Variants in PTPN5 observed in about 807,000 individuals in gnomAD.
PTPN5 encodes protein tyrosine phosphatase non-receptor type 5.
Under a neutral mutation model 73.9 loss-of-function variants are expected in PTPN5, and 29 were observed. That is an observed-to-expected ratio of 0.39 (90% CI 0.29 to 0.54). The LOEUF is 0.54. Ranked by LOEUF, PTPN5 falls within the 20% of genes least tolerant of loss-of-function variation. The pLI is 0.65. For synonymous variants in PTPN5, 267 were observed against 304.7 expected, an observed-to-expected ratio of 0.88 and a Z score of 1.29; for missense variants, 652 against 751.4, an observed-to-expected ratio of 0.87 and a Z score of 1.55.
At chr11:18,763,043 A>G (rs10832982) in intron 3 of PTPN5, among the ~76,000 whole-genome samples, 43,370 of 152,100 alleles carry the variant, frequency 0.29, 6,553 homozygotes, top group South Asian at 0.48. Flanking sequence ...AGGATGCAGA[A>G]ATGAAACAGA....
Position 18,729,014 on chromosome 11 carries a change from G to A in PTPN5, c.1618C>T (p.Gln540Ter). ...QLRQDRGGMI[Q>*]TCEQYQFVHH... ...ACAAACTGGTACTGCTCGCATGTCT[G>A]GATCATGCCGCCCCTGCCCGGCAGA... Residue 540 changes from glutamine (Q) to a stop codon, truncating the protein, a stop_gained, in exon 15 of 15, where the codon CAG becomes TAG. Coordinates refer to ENST00000358540, the MANE Select transcript of PTPN5 (RefSeq NM_006906.2). LOFTEE classifies it high-confidence loss of function. The surrounding 1 kb of genome is among the most constrained non-coding windows in gnomAD (Gnocchi z 5.2). 6.2e-7 allele frequency: 1 copy of A among 1,613,830 alleles called. No individual in the cohort carries two copies. The highest frequency in any genetic ancestry group is 8.5e-7 in the Non-Finnish European group (1 of 1,179,950).
chr11:18,773,078 A>G (rs1850981317), intron 1 of PTPN5, among the ~76,000 whole-genome samples: 1 of 152,020 alleles, frequency 6.6e-6, no homozygotes, highest in Non-Finnish European at 1.5e-5. Context: ...AGCAGGACAC[A>G]TTCAAGGACT....
In PTPN5 at chr11:18,728,286, A is replaced by G. The variant is rs1157800295; in HGVS notation, c.*648T>C. 2 of 152,194 alleles carry G rather than the reference A, an allele frequency of 1.3e-5. No individual in the cohort carries two copies. The highest frequency in any genetic ancestry group is 2.1e-4 in the South Asian group (1 of 4,816). 9.4% of individuals were successfully genotyped at this position (152,194 alleles called of 1,614,324 possible). A position where few individuals can be genotyped will look rare whatever the true frequency, so the allele number is the denominator to read the frequency against. On this transcript the variant is annotated 3_prime_UTR_variant, in exon 15 of 15. Coordinates refer to ENST00000358540, the MANE Select transcript of PTPN5 (RefSeq NM_006906.2). The surrounding 1 kb of genome is among the most constrained non-coding windows in gnomAD (Gnocchi z 4.1). ...AGATCCTCTGGGTTCTCCATGCCCC[A>G]TCTGCCCCCTACCTTGCCAGTGCCT...
chr11:18,770,751 C>T (rs552256775), intron 2 of PTPN5, among the ~76,000 whole-genome samples: 105 of 152,334 alleles, frequency 6.9e-4, no homozygotes, highest in Non-Finnish European at 1.2e-3. Flanking sequence ...TTCCTCTGCT[C>T]GTTCGTATGT....
chr11:18,791,406 G>C (rs1019670163), intron 1 of PTPN5, 119 bp downstream of exon 1: 1 of 152,056 alleles, frequency 6.6e-6, no homozygotes, highest in Non-Finnish European at 1.5e-5. Context: ...GGCGGGCGCC[G>C]GCTCCTCGGC....
intron 3 of PTPN5, among the ~76,000 whole-genome samples, chr11:18,761,853 G>C (rs1414660390): frequency 6.6e-6 from 1 of 152,186 alleles, no homozygotes; most frequent in African/African-American, 2.4e-5. Flanking sequence ...AGAGGTGAGT[G>C]TGCAAGAGGA....
At chr11:18,735,542 G>C (rs114951326) in intron 9 of PTPN5, among the ~76,000 whole-genome samples, 1 of 152,250 alleles carries the variant, frequency 6.6e-6, no homozygotes, top group Admixed American at 6.5e-5. Flanking sequence ...TAGGCCGGGC[G>C]TGGTGGCTCA....
chr11:18,745,823 A>G (rs893577461), intron 3 of PTPN5, among the ~76,000 whole-genome samples: 3 of 152,070 alleles, frequency 2.0e-5, no homozygotes, highest in African/African-American at 7.2e-5. Flanking sequence ...AGAGAGGTTA[A>G]CAGAGCTGCC....
At chr11:18,766,486 A>C (rs925007775) in intron 2 of PTPN5, among the ~76,000 whole-genome samples, 2 of 152,242 alleles carry the variant, frequency 1.3e-5, no homozygotes, top group African/African-American at 4.8e-5. Context: ...TGGTATGCAG[A>C]ACTCTTCTCC....
At chr11:18,779,742 A>G (rs569652327) in intron 1 of PTPN5, among the ~76,000 whole-genome samples, 1 of 152,332 alleles carries the variant, frequency 6.6e-6, no homozygotes, top group Non-Finnish European at 1.5e-5. Context: ...AAAGCACGAC[A>G]GACTGACCAT....
chr11:18,736,635 C>A (rs1000396132), intron 9 of PTPN5, among the ~76,000 whole-genome samples: 1 of 152,236 alleles, frequency 6.6e-6, no homozygotes, highest in Non-Finnish European at 1.5e-5. Context: ...CCAACCCAGT[C>A]TCTGAGGGCA....
chr11:18,765,641 G>A (rs1056194522), intron 3 of PTPN5, among the ~76,000 whole-genome samples, 166 bp downstream of exon 3: 4 of 152,168 alleles, frequency 2.6e-5, no homozygotes, highest in Non-Finnish European at 5.9e-5. Flanking sequence ...AGGCATCAGG[G>A]ATTAGAAAAA....
In PTPN5 at chr11:18,741,296, C is replaced by T. The variant is rs560290744; in HGVS notation, c.726-504G>A. On this transcript the variant is annotated intron_variant, in intron 7 of 14. Transcript: ENST00000358540. Reference sequence around the variant, plus strand: ...ATTGTCCAGGAGAGGCCAGGACCCCCGCTGTCAGGAAGGAGGGAGTCCCAG... The same window carrying T: ...ATTGTCCAGGAGAGGCCAGGACCCCTGCTGTCAGGAAGGAGGGAGTCCCAG... 1.2e-3 allele frequency among the ~76,000 whole-genome samples: 189 copies of T among 152,292 alleles called. 1 individual carries two copies. Among genetic ancestry groups the T allele is most frequent in the African/African-American group, 4.2e-3 (174 of 41,566 alleles).
intron 1 of PTPN5, among the ~76,000 whole-genome samples, chr11:18,782,700 G>A (rs1357216592): frequency 6.6e-6 from 1 of 152,190 alleles, no homozygotes; most frequent in African/African-American, 2.4e-5. Context: ...ATGGTTATAT[G>A]AGCTCATGCA....
chr11:18,747,196 G>A (rs962403781), intron 3 of PTPN5, among the ~76,000 whole-genome samples: 1 of 151,924 alleles, frequency 6.6e-6, no homozygotes, highest in African/African-American at 2.4e-5. Context: ...TGTCACCCAG[G>A]CTGGAGTGCA....
intron 3 of PTPN5, among the ~76,000 whole-genome samples, chr11:18,756,166 T>A (rs972424379): frequency 6.6e-6 from 1 of 151,960 alleles, no homozygotes; most frequent in African/African-American, 2.4e-5. Context: ...CAATGGGAAA[T>A]TCTGGGCAGG....
intron 8 of PTPN5, 122 bp downstream of exon 8, chr11:18,740,481 T>C (rs1486687543): frequency 7.9e-6 from 7 of 888,986 alleles, no homozygotes; most frequent in Non-Finnish European, 1.1e-5. Context: ...GGAGAGCTGA[T>C]AATAAAGTGA....
intron 12 of PTPN5, among the ~76,000 whole-genome samples, chr11:18,732,064 A>C (rs1447847013): frequency 6.6e-6 from 1 of 152,162 alleles, no homozygotes; most frequent in African/African-American, 2.4e-5. Flanking sequence ...TGTATTGCTC[A>C]TATTTTGTGT....
chr11:18,783,913 A>G (rs1272776961), intron 1 of PTPN5, among the ~76,000 whole-genome samples: 1 of 152,134 alleles, frequency 6.6e-6, no homozygotes, highest in Non-Finnish European at 1.5e-5. Flanking sequence ...AATCACAACA[A>G]TTCTTCAGAA....
Sources: gnomAD v4.1 joint callset for allele counts (sites outside exome capture counted in the v4.1 genomes callset) on GRCh38, gnomAD v4.1.1 for gene constraint, Gnocchi (gnomAD v3.1) non-coding constraint, MANE v1.5 for transcripts, NCBI Gene and HGNC (gene_info 2026-07-23, HGNC 2026-07-21) for gene names.